ENTPD2: variants seen among roughly 807,000 people sequenced by gnomAD.
The protein encoded by ENTPD2 is CD39 antigen-like 1.
Under a neutral mutation model 46.8 loss-of-function variants are expected in ENTPD2, and 48 were observed. The observed-to-expected ratio is 1.03, with a 90% CI of 0.81 to 1.30. The LOEUF is 1.30. Among genes scored for constraint, ENTPD2 ranks in the 50% most tolerant of loss-of-function variants. The pLI is 0.00. For missense variants in ENTPD2, 707 were observed against 651.1 expected (o/e 1.09, Z -0.93); for synonymous variants, 316 against 286.1 (o/e 1.10, Z -1.06).
Position 137,051,635 on chromosome 9 carries a change from G to C in ENTPD2, c.261C>G (p.Asp87Glu), listed in dbSNP as rs139445252. Residue 87 changes from aspartate (D) to glutamate (E), a missense_variant, in exon 3 of 9, where the codon GAC becomes GAG. Asp to Glu is a conservative substitution (Grantham distance 45). Transcript: ENST00000355097. ...VPGGGISSYA[D>E]NPSGASQSLV... ...GACTCTGGCTGGCCCCAGAAGGGTTGTCTGCATAGCTGGAGATGCCCCCAC... is the reference window on the plus strand; with the variant it reads ...GACTCTGGCTGGCCCCAGAAGGGTTCTCTGCATAGCTGGAGATGCCCCCAC... 3 of 1,612,238 alleles carry C rather than the reference G, an allele frequency of 1.9e-6. No homozygotes were observed. Among genetic ancestry groups the C allele is most frequent in the Non-Finnish European group, 2.5e-6 (3 of 1,179,696 alleles).
At position 137,048,468 on chromosome 9, in the gene ENTPD2, T is replaced by G. The variant is rs1588552161; in HGVS notation, c.*189A>C. The G allele has an allele frequency of 1.3e-5, 6 of 466,114 alleles. No individual in the cohort carries two copies. Among genetic ancestry groups the G allele is most frequent in the South Asian group, 2.6e-5 (1 of 38,360 alleles). 28.9% of individuals were successfully genotyped at this position (466,114 alleles called of 1,614,324 possible). A position where few individuals can be genotyped will look rare whatever the true frequency, so the allele number is the denominator to read the frequency against. On this transcript the variant is annotated 3_prime_UTR_variant, in exon 9 of 9. Coordinates refer to ENST00000355097, the MANE Select transcript of ENTPD2 (RefSeq NM_203468.3). ...AAGGATGGAGAAGACAGTGGTGGGG[T>G]GGAGCGGTGGGGGATAGAGGGTGGG...
At chr9:137,052,497 C>T in intron 1 of ENTPD2, 149 bp from the exon 2 acceptor site, 2 of 621,122 alleles carry the variant, frequency 3.2e-6, no homozygotes, top group Non-Finnish European at 5.6e-6. Flanking sequence ...CAGAGGAGGC[C>T]AGGGCCTCCT....
chr9:137,052,213 G>T lies in ENTPD2; in HGVS notation c.235+18C>A. On this transcript the variant is annotated intron_variant, in intron 2 of 8. Coordinates refer to ENST00000355097, the MANE Select transcript of ENTPD2 (RefSeq NM_203468.3). ...CTGCAGTGAGTGGGCGTCCTGGCTG[G>T]GCTGGGCTGGGCCTCACCTGGAACA... 1.2e-6 allele frequency: 2 copies of T among 1,609,502 alleles called. No homozygotes were observed. Among genetic ancestry groups the T allele is most frequent in the South Asian group, 2.2e-5 (2 of 90,962 alleles).
In ENTPD2 at chr9:137,049,975, G is replaced by T. The variant is rs1284044045; in HGVS notation, c.1044C>A (p.Phe348Leu). The change falls in exon 7 of 9, where the codon TTC becomes TTA. Residue 348 changes from phenylalanine (F) to leucine (L), a missense_variant. By Grantham distance (22) the Phe-to-Leu change is conservative. Transcript: ENST00000355097. Reference protein sequence around the residue: ...VAGNFVAFSAFFYTVDFLRTS... With the variant: ...VAGNFVAFSALFYTVDFLRTS... ...TCCGCAAAAAGTCCACAGTGTAGAA[G>T]AAGGCAGAGAAGGCCTGTAGGGGGC... The T allele has an allele frequency of 2.5e-6, 4 of 1,612,188 alleles. No individual in the cohort carries two copies. In the South Asian group the frequency reaches 4.4e-5, roughly 18 times the overall value.
chr9:137,051,541 G>C lies in ENTPD2; in HGVS notation c.355C>G (p.Leu119Val), dbSNP rs1308385062. The C allele has an allele frequency of 1.2e-6, 2 of 1,609,946 alleles. No homozygotes were observed. Among genetic ancestry groups the C allele is most frequent in the East Asian group, 2.2e-5 (1 of 44,876 alleles). ...KERHAGTPLY[L>V]GATAGMRLLN... ...AGGCGCATACCCGCTGTGGCTCCCA[G>C]GTAGAGGGGTGTGCCCGCGTGTCTC... The change falls in exon 3 of 9, where the codon CTG becomes GTG. Residue 119 changes from leucine (L) to valine (V), a missense_variant. Coordinates refer to ENST00000355097, the MANE Select transcript of ENTPD2 (RefSeq NM_203468.3).
rs558929657 is a variant in ENTPD2 at position 137,049,017 on chromosome 9, A to G, written c.1208T>C (p.Met403Thr). 8.5e-6 allele frequency: 13 copies of G among 1,537,062 alleles called. No individual in the cohort carries two copies. Among genetic ancestry groups the G allele is most frequent in the African/African-American group, 8.2e-5 (6 of 72,826 alleles). Residue 403 changes from methionine (M) to threonine (T), a missense_variant, in exon 8 of 9, where the codon ATG becomes ACG. By Grantham distance (81) the Met-to-Thr change is moderately conservative (BLOSUM62 -1). Transcript: ENST00000355097. ...ARLADYCAGAMFVQQLLSRGY... is the reference protein window; with the variant it reads ...ARLADYCAGATFVQQLLSRGY... ...GCGACTCAGCAGCTGCTGCACGAAC[A>G]TGGCCCCGGCGCAGTAGTCGGCCAG...
At chr9:137,049,483 G>C (rs774822259) in intron 7 of ENTPD2, 3 of 446,846 alleles carry the variant, frequency 6.7e-6, no homozygotes, top group South Asian at 6.7e-5. Flanking sequence ...ATGGGGCCTC[G>C]CTCACCACCC....
In ENTPD2 at chr9:137,050,973, C is replaced by G; in HGVS notation, c.703G>C (p.Val235Leu). The part of the protein sequence containing the change: ...QLHLYGQHYR[V>L]YTHSFLCYGR... ...TAGCAGAGGAAGCTGTGGGTGTAGA[C>G]TCGGTAGTGCTGGCCGTAGAGATGC... Residue 235 changes from valine to leucine, a missense_variant, in exon 5 of 9, where the codon GTC becomes CTC. By Grantham distance (32) the Val-to-Leu change is conservative. Coordinates refer to ENST00000355097, the MANE Select transcript of ENTPD2 (RefSeq NM_203468.3). 2 of 1,524,466 alleles carry G rather than the reference C, an allele frequency of 1.3e-6. No individual in the cohort carries two copies. Among genetic ancestry groups the G allele is most frequent in the African/African-American group, 1.7e-5 (1 of 57,358 alleles). The allele number at this position is 1,524,466 out of a possible 1,614,324, so 94.4% of individuals were successfully genotyped here.
chr9:137,052,347 TAC>T lies in ENTPD2; in HGVS notation c.118-1_118del. ...AGAACCAGCGTCCAGGACGATGCCA[TAC>T]TGCGGGGGAGGGGGAGGGAGTCAGC... is the stretch of plus-strand genomic sequence containing the variant. On this transcript the variant is annotated splice_acceptor_variant and coding_sequence_variant, in exon 2 of 9. Coordinates refer to ENST00000355097, the MANE Select transcript of ENTPD2 (RefSeq NM_203468.3). LOFTEE classifies it high-confidence loss of function. 1 of 1,276,060 alleles carries T rather than the reference TAC, an allele frequency of 7.8e-7. No individual in the cohort carries two copies. The highest frequency in any genetic ancestry group is 1.1e-6 in the Non-Finnish European group (1 of 905,014). The allele number at this position is 1,276,060 out of a possible 1,614,324, so 79.0% of individuals were successfully genotyped here. A position where few individuals can be genotyped will look rare whatever the true frequency, so the allele number is the denominator to read the frequency against.
chr9:137,053,119 C>T (rs1832334373), intron 1 of ENTPD2: 1 of 152,388 alleles, frequency 6.6e-6, no homozygotes. Flanking sequence ...CCGACCAAGG[C>T]TTCCCCAGAG....
Position 137,048,643 on chromosome 9 carries a change from GC to G in ENTPD2, c.*13del. The G allele has an allele frequency of 6.4e-7, 1 of 1,556,804 alleles. No homozygotes were observed. Among genetic ancestry groups the G allele is most frequent in the South Asian group, 1.2e-5 (1 of 84,810 alleles). ...GGGTTGGGGGAGGGATGGGGCAGCT[GC>G]CCCCGTCGGCCCCTAAATGGTGCTT... On this transcript the variant is annotated 3_prime_UTR_variant, in exon 9 of 9. Transcript: ENST00000355097.
intron 7 of ENTPD2, chr9:137,049,631 T>C: frequency 1.2e-5 from 6 of 506,746 alleles, no homozygotes; most frequent in Admixed American, 7.8e-5. Flanking sequence ...GGCACCGGCC[T>C]CCCCCTGCCC....
chr9:137,053,696 G>A (rs1363965663), intron 1 of ENTPD2, among the ~76,000 whole-genome samples, 185 bp downstream of exon 1: 3 of 152,126 alleles, frequency 2.0e-5, no homozygotes, highest in Non-Finnish European at 4.4e-5. Flanking sequence ...ACCGCCCCCC[G>A]CCCCCTCCGC....
In ENTPD2 at chr9:137,052,364, AG is replaced by A; in HGVS notation, c.118-17del. 9.8e-7 allele frequency: 1 copy of A among 1,021,448 alleles called. No individual in the cohort carries two copies. Among genetic ancestry groups the A allele is most frequent in the Non-Finnish European group, 1.5e-6 (1 of 673,292 alleles). 63.3% of individuals were successfully genotyped at this position (1,021,448 alleles called of 1,614,324 possible). A position where few individuals can be genotyped will look rare whatever the true frequency, so the allele number is the denominator to read the frequency against. On this transcript the variant is annotated splice_polypyrimidine_tract_variant and intron_variant, in intron 1 of 8. Transcript: ENST00000355097. ...CGATGCCATACTGCGGGGGAGGGGG[AG>A]GGAGTCAGCCTGGGGTGTCCGGGGG...
Position 137,051,252 on chromosome 9 carries a change from C to A in ENTPD2, c.505G>T (p.Gly169Cys), listed in dbSNP as rs774691572. The change falls in exon 4 of 9, where the codon GGC becomes TGC. Residue 169 changes from glycine (G) to cysteine (C), a missense_variant. Transcript: ENST00000355097. ...AGCAGGTAGTTGGCAGTCACCCAGC[C>A]AAACACCCCCTCTTCCTGGCCCGAG... is the stretch of plus-strand genomic sequence containing the variant. ...ILSGQEEGVF[G>C]WVTANYLLEN... 1 of 1,612,940 alleles carries A rather than the reference C, an allele frequency of 6.2e-7. No homozygotes were observed. Among genetic ancestry groups the A allele is most frequent in the Non-Finnish European group, 8.5e-7 (1 of 1,179,896 alleles).
intron 1 of ENTPD2, 33 bp downstream of exon 1, chr9:137,053,848 C>A (rs908150244): frequency 3.3e-6 from 4 of 1,206,698 alleles, no homozygotes; most frequent in Non-Finnish European, 4.1e-6. Context: ...GCCCGCTGCT[C>A]CCCAGACGTG....
rs1326872827 is a variant in ENTPD2, at chr9:137,053,927, A to G, written c.71T>C (p.Leu24Pro). The G allele has an allele frequency of 8.2e-7, 1 of 1,217,088 alleles. No individual in the cohort carries two copies. The highest frequency in any genetic ancestry group is 4.1e-5 in the South Asian group (1 of 24,384). 75.4% of individuals were successfully genotyped at this position (1,217,088 alleles called of 1,614,324 possible). ...LAAAGLAGLL[L>P]LCVPTRDVRE... ...GACGTCGCGGGTGGGGACGCACAGC[A>G]GTAGGAGGCCGGCGAGGCCCGCGGC... Residue 24 changes from leucine (L) to proline (P), a missense_variant, in exon 1 of 9, where the codon CTG (leucine) becomes CCG (proline). By Grantham distance (98) the Leu-to-Pro change is moderately conservative. Coordinates refer to ENST00000355097, the MANE Select transcript of ENTPD2 (RefSeq NM_203468.3).
chr9:137,053,980 C>G lies in ENTPD2; in HGVS notation c.18G>C (p.Arg6=). ...CCAGCAGCAGCGGCGGCAGCAGTGA[C>G]CGCACCTTCCCGGCCATGGGCGGGC... is the stretch of plus-strand genomic sequence containing the variant. MAGKV[R]SLLPPLLLAA... The change falls in exon 1 of 9, where the codon CGG becomes CGC. Residue 6 remains arginine (R), a synonymous_variant. Transcript: ENST00000355097. 4.1e-6 allele frequency: 5 copies of G among 1,206,534 alleles called. No homozygotes were observed. Among genetic ancestry groups the G allele is most frequent in the Non-Finnish European group, 5.2e-6 (5 of 968,240 alleles). 74.7% of individuals were successfully genotyped at this position (1,206,534 alleles called of 1,614,324 possible).
chr9:137,050,399 C>T lies in ENTPD2; in HGVS notation c.914G>A (p.Ser305Asn), dbSNP rs776347357. The T allele has an allele frequency of 2.5e-6, 4 of 1,612,916 alleles. No homozygotes were observed. Among genetic ancestry groups the T allele is most frequent in the Non-Finnish European group, 3.4e-6 (4 of 1,180,016 alleles). ...CAGATCTCGGCAGAGGTGGGGGTCA[C>T]TGCTCCCTGACAGGCTGACCCTGGC... Reference protein sequence around the residue: ...SSARVSLSGSSDPHLCRDLVS... With the variant: ...SSARVSLSGSNDPHLCRDLVS... Residue 305 changes from serine (S) to asparagine (N), a missense_variant, in exon 6 of 9, where the codon AGT (serine) becomes AAT (asparagine). Ser to Asn is a conservative substitution (Grantham distance 46). Transcript: ENST00000355097.
Sources: allele counts gnomAD v4.1 joint callset (sites outside exome capture counted in the v4.1 genomes callset), GRCh38; gene constraint gnomAD v4.1.1; transcripts MANE v1.5; gene names NCBI Gene and HGNC (gene_info 2026-07-23, HGNC 2026-07-21).